ACAD9: variants seen among roughly 807,000 people sequenced by gnomAD.
ACAD9 encodes the protein acyl-CoA dehydrogenase family member 9, also known as complex I assembly factor ACAD9, mitochondrial.
In ACAD9, 53 loss-of-function variants were observed where a neutral mutation model predicts 70.2. The observed-to-expected ratio is 0.75, with a 90% CI of 0.61 to 0.95. The LOEUF (loss-of-function observed/expected upper bound fraction) is 0.95. Among genes scored for constraint, ACAD9 ranks in the 40% least tolerant of loss-of-function variants. The probability of loss-of-function intolerance (pLI) is 0.00; values close to 1 mark genes in which losing one functional copy is unlikely to be tolerated. For missense variants in ACAD9, 777 were observed against 802.8 expected (o/e 0.97, Z 0.39); for synonymous variants, 313 against 312.1 (o/e 1.00, Z -0.03).
chr3:128,898,875 C>T (rs142059354), intron 6 of ACAD9, among the ~76,000 whole-genome samples: 93 of 152,270 alleles, frequency 6.1e-4, no homozygotes, highest in Middle Eastern at 3.4e-3. Flanking sequence ...ACCACCCTCC[C>T]GCCTTTTTTC....
At chr3:128,907,536 C>T (rs1186087520) in intron 12 of ACAD9, among the ~76,000 whole-genome samples, 1 of 152,158 alleles carries the variant, frequency 6.6e-6, no homozygotes, top group African/African-American at 2.4e-5. Context: ...CTGCAGTCCC[C>T]CCTTTTCCTG....
intron 3 of ACAD9, 40 bp from the exon 4 acceptor site, chr3:128,895,270 T>A: frequency 6.6e-7 from 1 of 1,510,676 alleles, no homozygotes; most frequent in Non-Finnish European, 9.1e-7. Context: ...GGGAGGAATC[T>A]AGGGCTGGGC....
chr3:128,908,847 G>A (rs946558126), intron 13 of ACAD9, 126 bp from the exon 14 acceptor site: 134 of 1,493,700 alleles, frequency 9.0e-5, no homozygotes, highest in Non-Finnish European at 1.1e-4. Context: ...TCAGGCTGTA[G>A]CCAGGGGCCC....
intron 16 of ACAD9, among the ~76,000 whole-genome samples, 186 bp from the exon 17 acceptor site, chr3:128,910,555 T>G (rs1936170726): frequency 6.6e-6 from 1 of 152,116 alleles, no homozygotes. Context: ...AGATGTTGAG[T>G]CACTTGCTGT....
chr3:128,910,756 A>T lies in ACAD9; in HGVS notation c.1708A>T (p.Thr570Ser). The change falls in exon 17 of 18, where the codon ACC becomes TCC. Residue 570 changes from threonine to serine, a missense_variant. Coordinates refer to ENST00000308982, the MANE Select transcript of ACAD9 (RefSeq NM_014049.5). ...GTTCTGGCAGGTTCTCTTGGCCAAC[A>T]CCTTCTGCGTGGAAGCTTACTTGCA... ...NHDHEVLLAN[T>S]FCVEAYLQNL... 1 of 1,613,994 alleles carries T rather than the reference A, an allele frequency of 6.2e-7. No individual in the cohort carries two copies.
chr3:128,894,533 CTTT>C (rs34217688), intron 3 of ACAD9, among the ~76,000 whole-genome samples: 5 of 133,214 alleles, frequency 3.8e-5, no homozygotes, highest in Non-Finnish European at 3.2e-5. Flanking sequence ...AGATTGCGAG[CTTT>C]TTTTTTTTTT....
rs531719665 is a variant in ACAD9, at chr3:128,911,045, G to GTGTA, written c.1765+250_1765+253dup. The stretch of plus-strand genomic sequence containing the variant: ...CAGTTGTATGTATATATGTGTGTGT[G>GTGTA]TGTATGTATGTATGTATGTATTTAT... On this transcript the variant is annotated intron_variant, in intron 17 of 17. Transcript: ENST00000308982. Among the ~76,000 whole-genome samples the GTGTA allele has an allele frequency of 5.8e-4, 89 of 152,282 alleles. 1 individual carries two copies. The highest frequency in any genetic ancestry group is 1.7e-3 in the East Asian group (9 of 5,190).
intron 12 of ACAD9, 116 bp downstream of exon 12, chr3:128,906,365 C>T: frequency 1.3e-6 from 2 of 1,493,878 alleles, no homozygotes; most frequent in Non-Finnish European, 1.8e-6. Flanking sequence ...CGCATGCTCT[C>T]AGGGGCTCTC....
At chr3:128,880,678 C>T (rs1289438714) in intron 1 of ACAD9, among the ~76,000 whole-genome samples, 2 of 152,136 alleles carry the variant, frequency 1.3e-5, no homozygotes, top group Admixed American at 6.5e-5. Flanking sequence ...TGAGCCACCG[C>T]GCCCGGCCAA....
At chr3:128,904,254 A>C in intron 10 of ACAD9, 122 bp downstream of exon 10, 1 of 1,586,896 alleles carries the variant, frequency 6.3e-7, no homozygotes, top group African/African-American at 1.3e-5. Flanking sequence ...TTAAGGCTTT[A>C]TTTGACACGG....
chr3:128,898,911 A>G (rs529965569), intron 6 of ACAD9, among the ~76,000 whole-genome samples: 81 of 152,324 alleles, frequency 5.3e-4, no homozygotes, highest in African/African-American at 1.9e-3. Context: ...TAACAAATAA[A>G]TGTTGTGTGT....
chr3:128,882,220 A>G (rs1379661897), intron 1 of ACAD9, among the ~76,000 whole-genome samples: 1 of 152,186 alleles, frequency 6.6e-6, no homozygotes, highest in Non-Finnish European at 1.5e-5. Flanking sequence ...CAAAAGCTGT[A>G]CTAAGAGGTC....
chr3:128,896,058 A>T (rs913774690), intron 4 of ACAD9, among the ~76,000 whole-genome samples: 4 of 152,230 alleles, frequency 2.6e-5, no homozygotes, highest in East Asian at 1.9e-4. Flanking sequence ...CTGTGTCTTC[A>T]CATTGCATCA....
intron 1 of ACAD9, 118 bp from the exon 2 acceptor site, chr3:128,884,535 C>A: frequency 1.4e-6 from 1 of 738,536 alleles, no homozygotes. Flanking sequence ...TTCAGTACGT[C>A]ATGTCCCGCT....
chr3:128,888,331 C>G (rs568613730), intron 2 of ACAD9, among the ~76,000 whole-genome samples: 28 of 152,158 alleles, frequency 1.8e-4, no homozygotes, highest in Non-Finnish European at 3.2e-4. Context: ...GCAATCCCAG[C>G]GCTTTGGGAG....
In ACAD9 at chr3:128,899,309, T is replaced by A. The variant is rs776023607; in HGVS notation, c.656T>A (p.Leu219Gln). 1.4e-5 allele frequency: 22 copies of A among 1,614,258 alleles called. 2 individuals carry two copies. In the South Asian group the frequency reaches 2.1e-4, roughly 15 times the overall value. The part of the protein sequence containing the change: ...GSKVWITNGG[L>Q]ANIFTVFAKT... ...CAGGTCTGGATTACTAATGGAGGAC[T>A]GGCCAATATTTTTACTGTGTTTGCA... Residue 219 changes from leucine (L) to glutamine (Q), a missense_variant, in exon 7 of 18, where the codon CTG becomes CAG. Leu to Gln is a moderately radical substitution (Grantham distance 113). Transcript: ENST00000308982.
rs766491768 is a variant in ACAD9, at chr3:128,912,617, C to T, written c.*10C>T. 6.2e-7 allele frequency: 1 copy of T among 1,611,138 alleles called. No homozygotes were observed. Among genetic ancestry groups the T allele is most frequent in the Admixed American group, 1.7e-5 (1 of 60,024 alleles). The stretch of plus-strand genomic sequence containing the variant: ...GGACAGGACATGCTGAGGCAGGGGA[C>T]AGTGTCCCCTGCTACCGCCCGCCCC... On this transcript the variant is annotated 3_prime_UTR_variant, in exon 18 of 18. Transcript: ENST00000308982.
At chr3:128,901,168 A>G (rs1435155359) in intron 7 of ACAD9, 108 bp from the exon 8 acceptor site, 3 of 1,080,272 alleles carry the variant, frequency 2.8e-6, no homozygotes, top group East Asian at 2.4e-5. Context: ...TGTCCTACCA[A>G]ACATTGGATG....
chr3:128,901,303 A>T lies in ACAD9; in HGVS notation c.836A>T (p.Lys279Met). 1 of 1,614,188 alleles carries T rather than the reference A, an allele frequency of 6.2e-7. No homozygotes were observed. Residue 279 changes from lysine to methionine, a missense_variant, in exon 8 of 18, where the codon AAG becomes ATG. Transcript: ENST00000308982. ...TGTGAAGTCCATTTTGAAAACACCA[A>T]GATACCTGTGGAAAACATCCTTGGA... ...NTCEVHFENT[K>M]IPVENILGEV...
Sources: gnomAD v4.1 joint callset for allele counts (sites outside exome capture counted in the v4.1 genomes callset) on GRCh38, gnomAD v4.1.1 for gene constraint, MANE v1.5 for transcripts, NCBI Gene and HGNC (gene_info 2026-07-23, HGNC 2026-07-21) for gene names.